The following ARHGAP26 variants were observed in gnomAD, a reference collection of about 807,000 sequenced individuals.
ARHGAP26 encodes rho GTPase-activating protein 26.
Under a neutral mutation model 104.8 loss-of-function variants are expected in ARHGAP26, and 38 were observed. That is an observed-to-expected ratio of 0.36 (90% CI 0.28 to 0.48). ARHGAP26 has a LOEUF of 0.48. Ranked by LOEUF, ARHGAP26 falls within the 20% of genes least tolerant of loss-of-function variation. The pLI, the probability that ARHGAP26 is intolerant of heterozygous loss-of-function variation, is 0.99. For synonymous variants in ARHGAP26, 341 were observed against 340.0 expected, an observed-to-expected ratio of 1.00 and a Z score of -0.03; for missense variants, 704 against 947.9, an observed-to-expected ratio of 0.74 and a Z score of 3.38.
At chr5:142,937,693 A>G (rs1765636746) in intron 11 of ARHGAP26, among the ~76,000 whole-genome samples, 1 of 152,198 alleles carries the variant, frequency 6.6e-6, no homozygotes, top group African/African-American at 2.4e-5. Flanking sequence ...CATCCATGCA[A>G]TAGAATACTG....
chr5:142,893,835 A>G (rs1013820145), intron 5 of ARHGAP26, among the ~76,000 whole-genome samples: 1 of 151,888 alleles, frequency 6.6e-6, no homozygotes, highest in African/African-American at 2.4e-5. Flanking sequence ...CCTGATAATT[A>G]GTGATGTTGA....
intron 1 of ARHGAP26, among the ~76,000 whole-genome samples, chr5:142,828,248 C>G (rs1767690273): frequency 6.6e-6 from 1 of 152,182 alleles, no homozygotes; most frequent in South Asian, 2.1e-4. Flanking sequence ...TTGACATCTC[C>G]ACCCTTTCTT....
intron 20 of ARHGAP26, among the ~76,000 whole-genome samples, chr5:143,174,423 C>G (rs1803200059): frequency 6.6e-6 from 1 of 152,110 alleles, no homozygotes; most frequent in African/African-American, 2.4e-5. Context: ...ACACATCCAC[C>G]CACACCAGCT....
intron 12 of ARHGAP26, among the ~76,000 whole-genome samples, chr5:143,033,473 CCA>C (rs1782176731): frequency 6.6e-6 from 1 of 152,114 alleles, no homozygotes; most frequent in African/African-American, 2.4e-5. Flanking sequence ...TCCTACAGTG[CCA>C]CACACACAAA....
At chr5:143,081,663 T>C (rs1232019875) in intron 17 of ARHGAP26, among the ~76,000 whole-genome samples, 1 of 152,136 alleles carries the variant, frequency 6.6e-6, no homozygotes, top group Non-Finnish European at 1.5e-5. Flanking sequence ...GTTGTCAAGA[T>C]TGAGTTGATG....
At chr5:142,903,025 G>T (rs1241669384) in intron 7 of ARHGAP26, among the ~76,000 whole-genome samples, 1 of 152,156 alleles carries the variant, frequency 6.6e-6, no homozygotes, top group Non-Finnish European at 1.5e-5. Context: ...ATACAAGCAA[G>T]GGGGCCAGGC....
At chr5:142,819,987 C>T (rs367556202) in intron 1 of ARHGAP26, among the ~76,000 whole-genome samples, 4 of 152,096 alleles carry the variant, frequency 2.6e-5, no homozygotes, top group Admixed American at 1.3e-4. Context: ...ATTTACTTAC[C>T]GGTCTGCCGT....
intron 17 of ARHGAP26, among the ~76,000 whole-genome samples, chr5:143,106,920 C>T (rs1794107916): frequency 6.6e-6 from 1 of 152,294 alleles, no homozygotes; most frequent in Non-Finnish European, 1.5e-5. Context: ...GATTAATGGG[C>T]TCAGCTCACA....
intron 20 of ARHGAP26, among the ~76,000 whole-genome samples, chr5:143,180,631 T>G (rs1804196282): frequency 2.0e-5 from 3 of 152,146 alleles, no homozygotes; most frequent in African/African-American, 7.2e-5. Context: ...ACATGTCTTA[T>G]ATGGCGGCAG....
At chr5:143,178,471 A>G (rs1333267637) in intron 20 of ARHGAP26, among the ~76,000 whole-genome samples, 3 of 152,174 alleles carry the variant, frequency 2.0e-5, no homozygotes, top group Admixed American at 6.5e-5. Flanking sequence ...TTCCTTCCAC[A>G]TGGGATTTGC....
At position 143,188,255 on chromosome 5, in the gene ARHGAP26, C is replaced by T. The variant is rs531086909; in HGVS notation, c.1989-18943C>T. ...ACTTCCCAGTCATTTCCAGAGCTGA[C>T]CTAGAACACAATAGGAACCAAGATC... On this transcript the variant is annotated intron_variant, in intron 20 of 22. Coordinates refer to ENST00000645722, the MANE Select transcript of ARHGAP26 (RefSeq NM_001135608.3). 1.6e-3 allele frequency among the ~76,000 whole-genome samples: 243 copies of T among 152,278 alleles called. 1 individual carries two copies. Among genetic ancestry groups the T allele is most frequent in the African/African-American group, 5.6e-3 (231 of 41,554 alleles).
rs971419375 is a variant in ARHGAP26 at position 143,002,787 on chromosome 5, C to T, written c.1108-11293C>T. 7.2e-5 allele frequency among the ~76,000 whole-genome samples: 11 copies of T among 152,300 alleles called. No homozygotes were observed. In the East Asian group the frequency reaches 7.7e-4, roughly 11 times the overall value. ...TTATGTTGGCTGTGACTCCAATCTT[C>T]GGTTGAAAGCTAGGGAAGTTGCTTA... On this transcript the variant is annotated intron_variant, in intron 11 of 22. Coordinates refer to ENST00000645722, the MANE Select transcript of ARHGAP26 (RefSeq NM_001135608.3).
chr5:143,216,418 C>T (rs1428796957), intron 22 of ARHGAP26: 1 of 417,082 alleles, frequency 2.4e-6, no homozygotes, highest in Non-Finnish European at 4.9e-6. Flanking sequence ...CAAGGCCCTC[C>T]AGGGCCCAGT....
intron 11 of ARHGAP26, among the ~76,000 whole-genome samples, chr5:142,969,017 G>C (rs139806441): frequency 6.6e-6 from 1 of 152,154 alleles, no homozygotes; most frequent in Non-Finnish European, 1.5e-5. Context: ...TTGTAGCCTT[G>C]ACCTCCCAGG....
intron 17 of ARHGAP26, among the ~76,000 whole-genome samples, chr5:143,092,165 T>G (rs375129594): frequency 0.024 from 1,405 of 59,064 alleles, 26 homozygotes; most frequent in East Asian, 0.11. Context: ...TTTGTTTTTT[T>G]TTTTGTTTTT....
intron 19 of ARHGAP26, among the ~76,000 whole-genome samples, chr5:143,145,779 G>C (rs930113163): frequency 2.0e-5 from 3 of 152,156 alleles, no homozygotes; most frequent in Non-Finnish European, 4.4e-5. Context: ...GCCTCACAGG[G>C]TTTTTCTCTC....
intron 1 of ARHGAP26, among the ~76,000 whole-genome samples, chr5:142,803,593 T>C (rs1762443739): frequency 6.6e-6 from 1 of 152,226 alleles, no homozygotes; most frequent in South Asian, 2.1e-4. Flanking sequence ...TGATGACACT[T>C]CCTTCAACCT....
chr5:142,925,523 G>A (rs911781798), intron 10 of ARHGAP26, among the ~76,000 whole-genome samples: 1 of 152,172 alleles, frequency 6.6e-6, no homozygotes, highest in African/African-American at 2.4e-5. Context: ...CCATATCTTT[G>A]TGTAAATGAA....
intron 18 of ARHGAP26, among the ~76,000 whole-genome samples, chr5:143,123,797 A>G (rs1023708847): frequency 4.6e-5 from 7 of 152,230 alleles, no homozygotes; most frequent in African/African-American, 1.4e-4. Context: ...TCAAGGTTAC[A>G]GTGAGCTATG....
Sources: allele counts gnomAD v4.1 joint callset (sites outside exome capture counted in the v4.1 genomes callset), GRCh38; gene constraint gnomAD v4.1.1; transcripts MANE v1.5; gene names NCBI Gene and HGNC (gene_info 2026-07-23, HGNC 2026-07-21).